DLG2: variants seen among roughly 807,000 people sequenced by gnomAD.
The protein encoded by DLG2 is disks large homolog 2.
In DLG2, 45 loss-of-function variants were observed where a neutral mutation model predicts 132.5. The observed-to-expected ratio is 0.34, with a 90% CI of 0.27 to 0.44. DLG2 has a LOEUF of 0.44. Among genes scored for constraint, DLG2 ranks in the 20% least tolerant of loss-of-function variants. The pLI is 1.00. For missense variants in DLG2, 1,045 were observed against 1,196.9 expected (o/e 0.87, Z 1.87); for synonymous variants, 424 against 419.6 (o/e 1.01, Z -0.13).
intron 17 of DLG2, among the ~76,000 whole-genome samples, chr11:83,824,219 T>C (rs1188901213): frequency 6.6e-6 from 1 of 152,168 alleles, no homozygotes; most frequent in Non-Finnish European, 1.5e-5. Context: ...GGGGCCCTCT[T>C]TGTTGGGAAG....
intron 21 of DLG2, among the ~76,000 whole-genome samples, chr11:83,515,348 G>T (rs1168769926): frequency 1.3e-5 from 2 of 152,262 alleles, no homozygotes; most frequent in East Asian, 3.9e-4. Flanking sequence ...ATGGTAGTTT[G>T]TGTTTCTGTG....
intron 5 of DLG2, among the ~76,000 whole-genome samples, chr11:85,133,524 G>A (rs1406679469): frequency 6.6e-6 from 1 of 152,136 alleles, no homozygotes; most frequent in East Asian, 1.9e-4. Flanking sequence ...AGTGACATAA[G>A]GAAACTGCGG....
At chr11:84,319,257 AGAACTGT>A (rs2098389073) in intron 7 of DLG2, among the ~76,000 whole-genome samples, 1 of 152,148 alleles carries the variant, frequency 6.6e-6, no homozygotes, top group Admixed American at 6.5e-5. Context: ...TATACCTGAA[AGAACTGT>A]TGGGTCGAAG....
At chr11:83,716,488 G>A (rs11233731) in intron 18 of DLG2, among the ~76,000 whole-genome samples, 50,681 of 152,076 alleles carry the variant, frequency 0.33, 9,972 homozygotes, top group African/African-American at 0.55. Context: ...TGACAGCTCA[G>A]TGGTGTTGCT....
chr11:83,819,088 C>G (rs764265177), intron 17 of DLG2, among the ~76,000 whole-genome samples: 1 of 152,120 alleles, frequency 6.6e-6, no homozygotes, highest in Admixed American at 6.6e-5. Flanking sequence ...TCTACTGACT[C>G]AGGTCTATAT....
At chr11:84,817,099 G>A (rs550723275) in intron 6 of DLG2, among the ~76,000 whole-genome samples, 4 of 152,050 alleles carry the variant, frequency 2.6e-5, no homozygotes, top group Admixed American at 6.6e-5. Context: ...CATGAGTTTC[G>A]CTTAATGAAG....
chr11:85,069,701 G>T (rs2065502025), intron 6 of DLG2, among the ~76,000 whole-genome samples: 1 of 152,122 alleles, frequency 6.6e-6, no homozygotes, highest in African/African-American at 2.4e-5. Flanking sequence ...TTACACTGTT[G>T]GTGGGACTGT....
chr11:83,695,838 G>C (rs2081825127), intron 18 of DLG2, among the ~76,000 whole-genome samples: 1 of 152,182 alleles, frequency 6.6e-6, no homozygotes, highest in South Asian at 2.1e-4. Context: ...ATGATGGTCT[G>C]GGCAGAGAGC....
intron 7 of DLG2, among the ~76,000 whole-genome samples, chr11:84,308,064 G>C (rs1019027006): frequency 6.6e-6 from 1 of 152,132 alleles, no homozygotes; most frequent in Non-Finnish European, 1.5e-5. Context: ...CCCCCACAAC[G>C]CAGAAGTAGA....
chr11:85,230,235 C>T (rs2075222315), intron 4 of DLG2, among the ~76,000 whole-genome samples: 1 of 151,964 alleles, frequency 6.6e-6, no homozygotes, highest in African/African-American at 2.4e-5. Flanking sequence ...CTGAATTTTC[C>T]AAATTGTATA....
intron 6 of DLG2, among the ~76,000 whole-genome samples, chr11:84,633,019 T>C (rs1285721573): frequency 6.6e-6 from 1 of 152,218 alleles, no homozygotes; most frequent in African/African-American, 2.4e-5. Context: ...CAAATAGGAC[T>C]CTGCTCCTGA....
intron 6 of DLG2, among the ~76,000 whole-genome samples, chr11:84,784,796 G>A (rs1259001188): frequency 6.6e-6 from 1 of 151,918 alleles, no homozygotes; most frequent in African/African-American, 2.4e-5. Flanking sequence ...ACTAGAGACT[G>A]GGGTGATGTG....
chr11:85,233,306 T>C (rs143256736), intron 4 of DLG2, among the ~76,000 whole-genome samples: 241 of 152,008 alleles, frequency 1.6e-3, no homozygotes, highest in African/African-American at 5.5e-3. Context: ...AGAGTAAAAT[T>C]GATCACTCTC....
intron 3 of DLG2, among the ~76,000 whole-genome samples, chr11:85,585,873 C>CTT (rs2078933690): frequency 6.6e-6 from 1 of 151,982 alleles, no homozygotes; most frequent in African/African-American, 2.4e-5. Flanking sequence ...ACCACAATGC[C>CTT]CGGCTAATTT....
intron 6 of DLG2, among the ~76,000 whole-genome samples, chr11:84,793,210 T>C (rs1329582656): frequency 6.6e-6 from 1 of 152,226 alleles, no homozygotes; most frequent in Non-Finnish European, 1.5e-5. Flanking sequence ...TTCCATGTGT[T>C]GTAATGTTTC....
At chr11:85,523,379 T>C (rs2074470234) in intron 3 of DLG2, among the ~76,000 whole-genome samples, 1 of 152,084 alleles carries the variant, frequency 6.6e-6, no homozygotes, top group African/African-American at 2.4e-5. Context: ...CCAACATCTC[T>C]ATAGGAAAAG....
intron 7 of DLG2, among the ~76,000 whole-genome samples, chr11:84,500,521 T>C (rs1035478221): frequency 3.3e-5 from 5 of 152,212 alleles, no homozygotes; most frequent in African/African-American, 1.2e-4. Context: ...GCCTAACATC[T>C]ATCTATTCAG....
At chr11:85,525,559 C>A (rs1324573134) in intron 3 of DLG2, among the ~76,000 whole-genome samples, 1 of 152,114 alleles carries the variant, frequency 6.6e-6, no homozygotes. Context: ...GAGATTTCTA[C>A]TATGAAACAG....
At chr11:85,008,185 T>C (rs1250916690) in intron 6 of DLG2, among the ~76,000 whole-genome samples, 3 of 152,182 alleles carry the variant, frequency 2.0e-5, no homozygotes, top group African/African-American at 4.8e-5. Flanking sequence ...TTTCATTTTA[T>C]GAAAGTTTTA....
Sources: gnomAD v4.1 joint callset for allele counts (sites outside exome capture counted in the v4.1 genomes callset) on GRCh38, gnomAD v4.1.1 for gene constraint, MANE v1.5 for transcripts, NCBI Gene and HGNC (gene_info 2026-07-23, HGNC 2026-07-21) for gene names.